The following ADAMTS19 variants were observed in gnomAD, a reference collection of about 807,000 sequenced individuals.
ADAMTS19 encodes the protein ADAM metallopeptidase with thrombospondin type 1 motif 19, also known as A disintegrin and metalloproteinase with thrombospondin motifs 19.
A neutral mutation model predicts 153.3 loss-of-function variants in ADAMTS19; 93 were observed. The ratio of observed to expected loss-of-function variants is 0.61; its 90% CI spans 0.51 to 0.72. The LOEUF is 0.72. ADAMTS19 is among the 30% of genes least tolerant of loss of function. The pLI is 0.00. For missense variants in ADAMTS19, 1,482 were observed against 1,552.1 expected (o/e 0.95, Z 0.76); for synonymous variants, 600 against 556.6 (o/e 1.08, Z -1.10).
At chr5:129,678,907 A>C (rs1436601909) in intron 16 of ADAMTS19, among the ~76,000 whole-genome samples, 1 of 152,224 alleles carries the variant, frequency 6.6e-6, no homozygotes, top group African/African-American at 2.4e-5. Flanking sequence ...ATTTTGACAT[A>C]GCCTTCAATG....
intron 20 of ADAMTS19, among the ~76,000 whole-genome samples, chr5:129,703,461 G>A (rs1472794116): frequency 6.6e-6 from 1 of 152,008 alleles, no homozygotes; most frequent in African/African-American, 2.4e-5. Context: ...GGCTAGGCCC[G>A]GTGGCTCACA....
intron 18 of ADAMTS19, 76 bp downstream of exon 18, chr5:129,684,349 C>A: frequency 6.6e-7 from 1 of 1,517,386 alleles, no homozygotes; most frequent in Non-Finnish European, 8.9e-7. Context: ...TAAGACATAT[C>A]CAAAATCCCT....
intron 6 of ADAMTS19, among the ~76,000 whole-genome samples, chr5:129,550,567 T>C (rs960343998): frequency 4.7e-5 from 7 of 149,504 alleles, no homozygotes; most frequent in Admixed American, 4.0e-4. Context: ...TATATATACA[T>C]ATGTATACAT....
chr5:129,485,622 C>T (rs1481520408), intron 2 of ADAMTS19, among the ~76,000 whole-genome samples: 6 of 152,032 alleles, frequency 3.9e-5, no homozygotes, highest in Non-Finnish European at 8.8e-5. Flanking sequence ...GGAGACATCA[C>T]TATAGTTTCT....
At chr5:129,491,401 C>T (rs1325346474) in intron 2 of ADAMTS19, among the ~76,000 whole-genome samples, 3 of 152,018 alleles carry the variant, frequency 2.0e-5, no homozygotes, top group Non-Finnish European at 4.4e-5. Flanking sequence ...CATTTTATTT[C>T]CAAGTAGATG....
At chr5:129,575,904 C>A (rs180720139) in intron 7 of ADAMTS19, among the ~76,000 whole-genome samples, 3 of 152,108 alleles carry the variant, frequency 2.0e-5, no homozygotes, top group Non-Finnish European at 4.4e-5. Flanking sequence ...CAATAATCTA[C>A]CCTTATATTT....
At chr5:129,530,608 C>G (rs1430455020) in intron 6 of ADAMTS19, among the ~76,000 whole-genome samples, 2 of 151,992 alleles carry the variant, frequency 1.3e-5, no homozygotes, top group Non-Finnish European at 2.9e-5. Flanking sequence ...TAAAGAAATC[C>G]TATCAACCAA....
Position 129,533,016 on chromosome 5 carries a change from T to C in ADAMTS19, c.1328+4339T>C, listed in dbSNP as rs192979146. Among the ~76,000 whole-genome samples the C allele has an allele frequency of 3.0e-3, 464 of 152,190 alleles. 13 individuals are homozygous for C. Among genetic ancestry groups the C allele is most frequent in the Admixed American group, 0.026 (392 of 15,276 alleles). On this transcript the variant is annotated intron_variant, in intron 6 of 22. Transcript: ENST00000274487. ...TACTCGGGAGGCTGAGGCAGGAGAA[T>C]TGCTTGAACCTGGCAGGCGGAGGTT...
chr5:129,670,667 G>C (rs1252789514), intron 16 of ADAMTS19, among the ~76,000 whole-genome samples: 2 of 152,028 alleles, frequency 1.3e-5, no homozygotes, highest in East Asian at 3.8e-4. Context: ...TGTCATATTT[G>C]AACACATTTT....
intron 3 of ADAMTS19, among the ~76,000 whole-genome samples, chr5:129,519,481 G>C (rs529093177): frequency 1.4e-3 from 209 of 152,084 alleles, no homozygotes; most frequent in African/African-American, 4.7e-3. Context: ...CATCCTAGCT[G>C]GTGTCTCAGT....
intron 7 of ADAMTS19, among the ~76,000 whole-genome samples, chr5:129,552,937 A>G (rs967914498): frequency 2.0e-5 from 3 of 152,010 alleles, no homozygotes; most frequent in African/African-American, 7.2e-5. Flanking sequence ...TTCAGAAGGA[A>G]TTGTCGGCAT....
intron 18 of ADAMTS19, among the ~76,000 whole-genome samples, chr5:129,687,368 T>C (rs542114667): frequency 1.3e-5 from 2 of 152,260 alleles, no homozygotes; most frequent in South Asian, 2.1e-4. Context: ...TTTATTCTCA[T>C]TTTTTCCTCC....
At chr5:129,732,207 C>T (rs1054255289) in intron 21 of ADAMTS19, among the ~76,000 whole-genome samples, 1 of 152,094 alleles carries the variant, frequency 6.6e-6, no homozygotes, top group Admixed American at 6.6e-5. Context: ...CCGTATATGA[C>T]ATACCCACAG....
chr5:129,657,450 A>G (rs1297072179), intron 14 of ADAMTS19, among the ~76,000 whole-genome samples: 1 of 152,224 alleles, frequency 6.6e-6, no homozygotes, highest in African/African-American at 2.4e-5. Context: ...ATTATGTAAT[A>G]CTACCATTTA....
At position 129,588,418 on chromosome 5, in the gene ADAMTS19, A is replaced by C. The variant is rs1749928272; in HGVS notation, c.1373-8141A>C. On this transcript the variant is annotated intron_variant, in intron 7 of 22. Coordinates refer to ENST00000274487, the MANE Select transcript of ADAMTS19 (RefSeq NM_133638.6). ...TGTTTGAACATAATATGAATCTTCT[A>C]ATTGTTAAAGTCTGTGTGTGTGTGA... is the stretch of plus-strand genomic sequence containing the variant. Among the ~76,000 whole-genome samples, 5 of 152,092 alleles carry C rather than the reference A, an allele frequency of 3.3e-5. No individual in the cohort carries two copies. In the South Asian group the frequency reaches 1.0e-3, roughly 31 times the overall value.
At chr5:129,614,079 G>A (rs1358765223) in intron 8 of ADAMTS19, among the ~76,000 whole-genome samples, 14 of 152,054 alleles carry the variant, frequency 9.2e-5, no homozygotes, top group African/African-American at 2.4e-4. Context: ...AAGACCAGAC[G>A]GATTCACAGC....
chr5:129,536,488 G>C (rs557432316), intron 6 of ADAMTS19, among the ~76,000 whole-genome samples: 7 of 152,290 alleles, frequency 4.6e-5, no homozygotes, highest in African/African-American at 1.4e-4. Flanking sequence ...TTCAACCATT[G>C]TGGAAGTCAG....
chr5:129,577,257 A>C (rs1033432944), intron 7 of ADAMTS19, among the ~76,000 whole-genome samples: 5 of 152,152 alleles, frequency 3.3e-5, no homozygotes, highest in Admixed American at 2.6e-4. Context: ...TGGACTCATA[A>C]TTTATTCACC....
rs759736166 is a variant in ADAMTS19 at position 129,704,249 on chromosome 5, A to T, written c.3170A>T (p.Lys1057Met). The part of the protein sequence containing the change: ...EAGVWSECSV[K>M]CGKGIRHRTV... ...GATGTTATCTTCCAGTGTTCAGTCAAGTGTGGCAAAGGCATACGTCATCGG... is the reference window on the plus strand; with the variant it reads ...GATGTTATCTTCCAGTGTTCAGTCATGTGTGGCAAAGGCATACGTCATCGG... The change falls in exon 21 of 23, where the codon AAG becomes ATG. Residue 1057 changes from lysine (K) to methionine (M), a missense_variant. Physicochemically the swap from Lys to Met is moderately conservative, Grantham distance 95. Transcript: ENST00000274487. 1.9e-6 allele frequency: 3 copies of T among 1,613,252 alleles called. No individual in the cohort carries two copies. Among genetic ancestry groups the T allele is most frequent in the Non-Finnish European group, 2.5e-6 (3 of 1,179,654 alleles).
Sources: allele counts gnomAD v4.1 joint callset (sites outside exome capture counted in the v4.1 genomes callset), GRCh38; gene constraint gnomAD v4.1.1; transcripts MANE v1.5; gene names NCBI Gene and HGNC (gene_info 2026-07-23, HGNC 2026-07-21).